Variants in PPM1L observed in about 807,000 individuals in gnomAD.
PPM1L encodes the protein protein phosphatase, Mg2+/Mn2+ dependent 1L.
In PPM1L, 13 loss-of-function variants were observed where a neutral mutation model predicts 31.4. The observed-to-expected ratio is 0.41, with a 90% CI of 0.27 to 0.66. The LOEUF is 0.66. Ranked by LOEUF, PPM1L falls within the 30% of genes least tolerant of loss-of-function variation. The probability of loss-of-function intolerance (pLI) is 0.29; values close to 1 mark genes in which losing one functional copy is unlikely to be tolerated. For synonymous variants in PPM1L, 184 were observed against 175.4 expected, an observed-to-expected ratio of 1.05 and a Z score of -0.39; for missense variants, 326 against 453.7, an observed-to-expected ratio of 0.72 and a Z score of 2.56.
chr3:160,898,902 A>T (rs917291219), intron 1 of PPM1L, among the ~76,000 whole-genome samples: 2 of 152,190 alleles, frequency 1.3e-5, no homozygotes, highest in African/African-American at 4.8e-5. Context: ...GCTCAAGATT[A>T]TAAGTATTGC....
At chr3:160,835,039 A>ACTTCTTCTTCTT (rs201253772) in intron 1 of PPM1L, among the ~76,000 whole-genome samples, 11,917 of 131,598 alleles carry the variant, frequency 0.091, 595 homozygotes, top group East Asian at 0.14. Flanking sequence ...TACTACTACT[A>ACTTCTTCTTCTT]CTTCTTCTTC....
In PPM1L at chr3:160,877,314, G is replaced by A. The variant is rs77535168; in HGVS notation, c.400-84422G>A. Reference sequence around the variant, plus strand: ...TTTTGGAGTTCTCATCTCCAAGTTCGTGGCAAGCTAAGTTTTTCACATCTC... The same window carrying A: ...TTTTGGAGTTCTCATCTCCAAGTTCATGGCAAGCTAAGTTTTTCACATCTC... On this transcript the variant is annotated intron_variant, in intron 1 of 3. Transcript: ENST00000498165. Among the ~76,000 whole-genome samples the A allele has an allele frequency of 1.5e-3, 224 of 152,232 alleles. 1 individual carries two copies. In the South Asian group the frequency reaches 0.016, roughly 11 times the overall value.
chr3:160,849,231 C>G (rs1714181186), intron 1 of PPM1L, among the ~76,000 whole-genome samples: 1 of 152,142 alleles, frequency 6.6e-6, no homozygotes, highest in African/African-American at 2.4e-5. Flanking sequence ...CCCTGCTGGC[C>G]TGTCCTGCCC....
rs1040427088 is a variant in PPM1L at position 161,011,003 on chromosome 3, A to G, written c.574+49093A>G. ...CTGATGGTAGTTTCTTTTGCTGTAC[A>G]GAAGCTCTTTAGTGTAATTAGATCC... On this transcript the variant is annotated intron_variant, in intron 2 of 3. Transcript: ENST00000498165. 8.5e-4 allele frequency among the ~76,000 whole-genome samples: 130 copies of G among 152,312 alleles called. 1 individual carries two copies. Among genetic ancestry groups the G allele is most frequent in the East Asian group, 3.9e-4 (2 of 5,182 alleles).
At chr3:161,018,934 TGATA>T (rs1434220155) in intron 2 of PPM1L, among the ~76,000 whole-genome samples, 5 of 152,236 alleles carry the variant, frequency 3.3e-5, no homozygotes, top group African/African-American at 1.2e-4. Context: ...TTTGTAAGAC[TGATA>T]GATAGTTTAA....
chr3:160,993,322 A>G (rs746253927), intron 2 of PPM1L, among the ~76,000 whole-genome samples: 1 of 152,192 alleles, frequency 6.6e-6, no homozygotes. Flanking sequence ...AGGGAGCATC[A>G]CTTTCTAATC....
chr3:161,047,901 T>G (rs1273385631), intron 2 of PPM1L, among the ~76,000 whole-genome samples: 1 of 152,242 alleles, frequency 6.6e-6, no homozygotes, highest in African/African-American at 2.4e-5. Flanking sequence ...AAGCTGAAAC[T>G]GGATCCCTCC....
At chr3:160,848,197 A>T (rs945895618) in intron 1 of PPM1L, among the ~76,000 whole-genome samples, 2 of 152,216 alleles carry the variant, frequency 1.3e-5, no homozygotes, top group Non-Finnish European at 2.9e-5. Flanking sequence ...GAGTATAGTA[A>T]TGCAGATAAT....
chr3:160,922,118 G>A (rs577529720), intron 1 of PPM1L, among the ~76,000 whole-genome samples: 2 of 152,180 alleles, frequency 1.3e-5, no homozygotes, highest in Non-Finnish European at 2.9e-5. Flanking sequence ...AGACCATCCT[G>A]GCTAACACGG....
chr3:160,814,591 A>G lies in PPM1L; in HGVS notation c.399+57884A>G, dbSNP rs932836165. Among the ~76,000 whole-genome samples, 7 of 132,344 alleles carry G rather than the reference A, an allele frequency of 5.3e-5. No individual in the cohort carries two copies. In the South Asian group the frequency reaches 1.6e-3, roughly 30 times the overall value. The allele number at this position is 132,344 out of a possible 152,430, so 86.8% of individuals were successfully genotyped here. ...TGTATGTGTATATATATACACACAC[A>G]TATGTATGTATGTGTATATATATAC... On this transcript the variant is annotated intron_variant, in intron 1 of 3. Coordinates refer to ENST00000498165, the MANE Select transcript of PPM1L (RefSeq NM_139245.4).
intron 2 of PPM1L, among the ~76,000 whole-genome samples, chr3:161,025,533 C>T (rs1718355450): frequency 6.6e-6 from 1 of 150,790 alleles, no homozygotes; most frequent in Non-Finnish European, 1.5e-5. Context: ...GATCACATCA[C>T]TGCACCTTAG....
At chr3:160,970,741 T>TG (rs1429138009) in intron 2 of PPM1L, among the ~76,000 whole-genome samples, 1 of 151,544 alleles carries the variant, frequency 6.6e-6, no homozygotes, top group African/African-American at 2.4e-5. Flanking sequence ...TACAGGTGTG[T>TG]GCTATTGCAC....
intron 1 of PPM1L, among the ~76,000 whole-genome samples, chr3:160,862,476 CG>C (rs565826144): frequency 1.6e-4 from 24 of 152,162 alleles, no homozygotes; most frequent in African/African-American, 5.5e-4. Context: ...GGAGGTGCTG[CG>C]GGGATGTGGA....
chr3:160,963,635 G>T (rs1421563408), intron 2 of PPM1L, among the ~76,000 whole-genome samples: 1 of 152,048 alleles, frequency 6.6e-6, no homozygotes, highest in Non-Finnish European at 1.5e-5. Context: ...AAGGACAAAT[G>T]GTGGGCATGT....
At chr3:160,970,787 A>ATTTTTTTTTTTTTTTTTTTTTTTTTTT (rs71628437) in intron 2 of PPM1L, among the ~76,000 whole-genome samples, 1 of 97,190 alleles carries the variant, frequency 1.0e-5, no homozygotes, top group African/African-American at 4.5e-5. Flanking sequence ...TTCAGTTATA[A>ATTTTTTTTTTTTTTTTTTTTTTTTTTT]TTTTTTTTTT....
At chr3:160,770,201 T>A (rs554005375) in intron 1 of PPM1L, among the ~76,000 whole-genome samples, 2 of 152,342 alleles carry the variant, frequency 1.3e-5, no homozygotes, top group African/African-American at 4.8e-5. Flanking sequence ...CTACAGATAA[T>A]GTAATTTTGT....
intron 1 of PPM1L, among the ~76,000 whole-genome samples, chr3:160,761,295 T>C: frequency 6.6e-6 from 1 of 152,212 alleles, no homozygotes; most frequent in Non-Finnish European, 1.5e-5. Context: ...CCCTCCTGCT[T>C]TCCTCTCCAT....
chr3:161,014,703 C>T (rs986315211), intron 2 of PPM1L, among the ~76,000 whole-genome samples: 5 of 152,136 alleles, frequency 3.3e-5, no homozygotes, highest in African/African-American at 1.2e-4. Context: ...AACTCCTGAC[C>T]TCATGATCCG....
At chr3:161,048,221 G>T (rs1261577051) in intron 2 of PPM1L, among the ~76,000 whole-genome samples, 1 of 152,150 alleles carries the variant, frequency 6.6e-6, no homozygotes, top group East Asian at 1.9e-4. Context: ...AATCTACAAA[G>T]AACTCAAACA....
Sources: gnomAD v4.1 joint callset for allele counts (sites outside exome capture counted in the v4.1 genomes callset) on GRCh38, gnomAD v4.1.1 for gene constraint, MANE v1.5 for transcripts, NCBI Gene and HGNC (gene_info 2026-07-23, HGNC 2026-07-21) for gene names.